The following TMEM164 variants were observed in gnomAD, a reference collection of about 807,000 sequenced individuals.
TMEM164 encodes RP13-360B22.2.
A neutral mutation model predicts 18.8 loss-of-function variants in TMEM164; 4 were observed. That is an observed-to-expected ratio of 0.21 (90% CI 0.10 to 0.49). The LOEUF (loss-of-function observed/expected upper bound fraction) is 0.49, where lower values mean the gene tolerates loss of function less well. TMEM164 is among the 20% of genes least tolerant of loss of function. The pLI is 0.98. For missense variants in TMEM164, 108 were observed against 239.9 expected, an observed-to-expected ratio of 0.45 and a Z score of 3.63; for synonymous variants, 86 against 101.7, an observed-to-expected ratio of 0.85 and a Z score of 0.93.
chrX:110,163,776 G>C (rs2067124365), intron 5 of TMEM164, among the ~76,000 whole-genome samples: 1 of 112,062 alleles, frequency 8.9e-6, no homozygotes, highest in Admixed American at 9.5e-5. Context: ...GGGGAGAGGG[G>C]ATGGAATCTG....
At chrX:110,172,269 T>C (rs1479928506) in intron 6 of TMEM164, among the ~76,000 whole-genome samples, 1 of 111,685 alleles carries the variant, frequency 9.0e-6, no homozygotes, top group Non-Finnish European at 1.9e-5. Flanking sequence ...TTGTCTTTAA[T>C]GTGAACAGGC....
rs756091451 is a variant in TMEM164, at chrX:110,085,116, G to A, written c.440+17720G>A. Among the ~76,000 whole-genome samples, 4 of 107,313 alleles carry A rather than the reference G, an allele frequency of 3.7e-5. No individual in the cohort carries two copies. The South Asian group carries it at 1.2e-3, about 32-fold the overall frequency. 93.2% of individuals were successfully genotyped at this position (107,313 alleles called of 115,157 possible). ...TTTGTTTCCTCTGAGTTGTCAGAGT[G>A]ATATGCATTTTCCTTGTGCTGCCAG... On this transcript the variant is annotated intron_variant, in intron 3 of 6. Transcript: ENST00000372068.
At chrX:110,111,995 G>A (rs188411102) in intron 4 of TMEM164, among the ~76,000 whole-genome samples, 1 of 110,519 alleles carries the variant, frequency 9.0e-6, no homozygotes, top group East Asian at 2.9e-4. Context: ...ATCACTTGAG[G>A]CCAGGAGTTT....
Position 110,176,489 on chromosome X carries a change from A to G in TMEM164, c.*3038A>G, listed in dbSNP as rs1250296392. On this transcript the variant is annotated 3_prime_UTR_variant, in exon 7 of 7. Coordinates refer to ENST00000372068, the MANE Select transcript of TMEM164 (RefSeq NM_032227.4). ...TCCTCAAACTTCATCGCATTCATAG[A>G]AGCTGCTTGCAGGGTCGCCGGGCTA... The G allele has an allele frequency of 8.3e-6, 6 of 723,980 alleles. No homozygotes were observed. The highest frequency in any genetic ancestry group is 9.8e-6 in the Non-Finnish European group (6 of 611,876). The allele number at this position is 723,980 out of a possible 1,213,427, so 59.7% of individuals were successfully genotyped here.
chrX:110,020,968 T>TAA (rs147367236), intron 2 of TMEM164, among the ~76,000 whole-genome samples: 10 of 43,635 alleles, frequency 2.3e-4, no homozygotes, highest in African/African-American at 4.1e-4. Flanking sequence ...CCCCTTTTTC[T>TAA]AAAAAAAAAA....
In TMEM164 at chrX:110,039,341, G is replaced by C. The variant is rs187755394; in HGVS notation, c.391-28006G>C. Among the ~76,000 whole-genome samples, 379 of 112,614 alleles carry C rather than the reference G, an allele frequency of 3.4e-3. 1 individual carries two copies. The highest frequency in any genetic ancestry group is 0.023 in the Middle Eastern group (5 of 217). ...ATTTATCCTCAGGGCAAGAGACATTGGGTGTGAGGGATTTAAGGAGACAGA... is the reference window on the plus strand; with the variant it reads ...ATTTATCCTCAGGGCAAGAGACATTCGGTGTGAGGGATTTAAGGAGACAGA... On this transcript the variant is annotated intron_variant, in intron 2 of 6. Coordinates refer to ENST00000372068, the MANE Select transcript of TMEM164 (RefSeq NM_032227.4).
chrX:110,014,062 G>T (rs748012784), intron 2 of TMEM164, among the ~76,000 whole-genome samples: 1 of 111,495 alleles, frequency 9.0e-6, no homozygotes, highest in South Asian at 3.8e-4. Flanking sequence ...TTGTTGTGAG[G>T]ATTAAGTGAG....
At chrX:110,034,530 A>G (rs920960174) in intron 2 of TMEM164, among the ~76,000 whole-genome samples, 2 of 112,300 alleles carry the variant, frequency 1.8e-5, no homozygotes, top group African/African-American at 6.5e-5. Flanking sequence ...ATGTGAGTGA[A>G]TGTGTGTGGC....
rs184686317 is a variant in TMEM164 at position 110,062,858 on chromosome X, A to G, written c.391-4489A>G. Among the ~76,000 whole-genome samples, 168 of 111,459 alleles carry G rather than the reference A, an allele frequency of 1.5e-3. 1 individual carries two copies. Among genetic ancestry groups the G allele is most frequent in the African/African-American group, 5.0e-3 (154 of 30,698 alleles). ...TTGGTAGGTAGTGGCAAGCCATGGA[A>G]GGATTTAAAATGGCAGATCAGAGGG... On this transcript the variant is annotated intron_variant, in intron 2 of 6. Transcript: ENST00000372068.
At chrX:110,050,838 A>T (rs1355931146) in intron 2 of TMEM164, among the ~76,000 whole-genome samples, 1 of 112,457 alleles carries the variant, frequency 8.9e-6, no homozygotes, top group Non-Finnish European at 1.9e-5. Flanking sequence ...CAAGTTTTTA[A>T]GGGTTTAATT....
At chrX:110,026,374 G>T (rs773110538) in intron 2 of TMEM164, among the ~76,000 whole-genome samples, 23 of 111,541 alleles carry the variant, frequency 2.1e-4, no homozygotes, top group African/African-American at 7.2e-4. Context: ...GACGGCAGAG[G>T]GTGTGTGAGT....
At chrX:110,069,638 C>T (rs955752651) in intron 3 of TMEM164, among the ~76,000 whole-genome samples, 1 of 105,777 alleles carries the variant, frequency 9.5e-6, no homozygotes, top group Non-Finnish European at 1.9e-5. Context: ...AGGCTGGTCT[C>T]GAACTACTGA....
chrX:110,094,633 A>G (rs1392482517), intron 3 of TMEM164, among the ~76,000 whole-genome samples: 1 of 111,480 alleles, frequency 9.0e-6, no homozygotes, highest in African/African-American at 3.3e-5. Flanking sequence ...TCTTTATCCA[A>G]TTTGCCAGTC....
chrX:110,126,345 A>T (rs1669358866), intron 4 of TMEM164, among the ~76,000 whole-genome samples: 1 of 111,860 alleles, frequency 8.9e-6, no homozygotes, highest in Non-Finnish European at 1.9e-5. Flanking sequence ...CAGGAGGAAC[A>T]CCCACCTCTG....
At chrX:110,010,934 C>T (rs919068791) in intron 2 of TMEM164, among the ~76,000 whole-genome samples, 1 of 111,662 alleles carries the variant, frequency 9.0e-6, no homozygotes, top group Non-Finnish European at 1.9e-5. Flanking sequence ...CCTTCTATAT[C>T]CCCCCGCTTT....
At chrX:110,002,627 A>T (rs1932373343), upstream of TMEM164, 1 of 104,414 alleles carries the variant, frequency 9.6e-6, no homozygotes, top group Non-Finnish European at 2.0e-5. Flanking sequence ...AAGAAGGAGG[A>T]AGCGAGCGCG....
intron 4 of TMEM164, among the ~76,000 whole-genome samples, chrX:110,132,801 C>T (rs1215492183): frequency 9.8e-5 from 11 of 111,729 alleles, no homozygotes; most frequent in Non-Finnish European, 2.1e-4. Context: ...TTCCTCTGTT[C>T]CTCAGTTTTC....
rs373500523 is a variant in TMEM164 at position 110,148,675 on chromosome X, ATTT to A, written c.586+3821_586+3823del. Among the ~76,000 whole-genome samples the A allele has an allele frequency of 8.3e-3, 565 of 67,817 alleles. 6 individuals carry two copies. Among genetic ancestry groups the A allele is most frequent in the African/African-American group, 0.033 (542 of 16,317 alleles). The allele number at this position is 67,817 out of a possible 115,157, so 58.9% of individuals were successfully genotyped here. A position where few individuals can be genotyped will look rare whatever the true frequency, so the allele number is the denominator to read the frequency against. On this transcript the variant is annotated intron_variant, in intron 5 of 6. Coordinates refer to ENST00000372068, the MANE Select transcript of TMEM164 (RefSeq NM_032227.4). The stretch of plus-strand genomic sequence containing the variant: ...AGGCACATACTACCACACCCGGCTC[ATTT>A]TTTTTTTTTTTTTTTTTTTTTGTAT...
chrX:110,148,544 G>GT (rs1205138578), intron 5 of TMEM164, among the ~76,000 whole-genome samples: 1 of 108,580 alleles, frequency 9.2e-6, no homozygotes, highest in East Asian at 2.9e-4. Flanking sequence ...GGGTCTCACT[G>GT]TATCACCCAG....
Sources: gnomAD v4.1 joint callset for allele counts (sites outside exome capture counted in the v4.1 genomes callset) on GRCh38, gnomAD v4.1.1 for gene constraint, MANE v1.5 for transcripts, NCBI Gene and HGNC (gene_info 2026-07-23, HGNC 2026-07-21) for gene names.